Variants in TRAF3IP2 observed in about 807,000 individuals in gnomAD.
TRAF3IP2 encodes the protein TRAF3 interacting protein 2, also known as E3 ubiquitin ligase TRAF3IP2.
In TRAF3IP2, 35 loss-of-function variants were observed where a neutral mutation model predicts 57.9. The observed-to-expected ratio is 0.60, with a 90% CI of 0.46 to 0.80. TRAF3IP2 has a LOEUF of 0.80. TRAF3IP2 is among the 30% of genes least tolerant of loss of function. The pLI is 0.00. For synonymous variants in TRAF3IP2, 251 were observed against 268.9 expected (o/e 0.93, Z 0.65); for missense variants, 556 against 706.4 (o/e 0.79, Z 2.41).
rs1415581950 is a variant in TRAF3IP2 at position 111,558,024 on chromosome 6, A to T, written c.*1381T>A. 1 of 150,624 alleles carries T rather than the reference A, an allele frequency of 6.6e-6. No individual in the cohort carries two copies. Among genetic ancestry groups the T allele is most frequent in the African/African-American group, 2.4e-5 (1 of 41,094 alleles). The allele number at this position is 150,624 out of a possible 1,614,324, so 9.3% of individuals were successfully genotyped here. ...GACAGAGCGAGACTCTGTCTCAAAC[A>T]AAAAAAAAGAAGAAGAAAATGTCTC... On this transcript the variant is annotated 3_prime_UTR_variant, in exon 9 of 9. Transcript: ENST00000368761.
At chr6:111,600,132 C>G (rs1256962388) in intron 1 of TRAF3IP2, 2 of 152,154 alleles carry the variant, frequency 1.3e-5, no homozygotes, top group African/African-American at 4.8e-5. Flanking sequence ...AATGTAGAGC[C>G]TGGCACATAT....
At chr6:111,563,478 A>C (rs931289845) in intron 7 of TRAF3IP2, among the ~76,000 whole-genome samples, 1 of 152,226 alleles carries the variant, frequency 6.6e-6, no homozygotes, top group Non-Finnish European at 1.5e-5. Flanking sequence ...TACAGTCCCT[A>C]TCTTCACAAA....
intron 2 of TRAF3IP2, among the ~76,000 whole-genome samples, chr6:111,589,071 C>CTTT (rs372254400): frequency 0.012 from 1,486 of 123,100 alleles, 71 homozygotes; most frequent in African/African-American, 0.038. Flanking sequence ...GAAAAATTAT[C>CTTT]TTTTTTTTTT....
chr6:111,604,390 G>A (rs1204405256), intron 1 of TRAF3IP2, among the ~76,000 whole-genome samples: 1 of 152,242 alleles, frequency 6.6e-6, no homozygotes, highest in South Asian at 2.1e-4. Flanking sequence ...GTCCAGCTGA[G>A]GAGTGGTTTC....
chr6:111,590,659 A>G (rs561854742), intron 2 of TRAF3IP2, among the ~76,000 whole-genome samples: 1 of 152,236 alleles, frequency 6.6e-6, no homozygotes, highest in African/African-American at 2.4e-5. Context: ...CCATCGCGAC[A>G]AGTAGGGGGA....
Position 111,580,225 on chromosome 6 carries a change from A to G in TRAF3IP2, c.994T>C (p.Cys332Arg). 1.9e-6 allele frequency: 3 copies of G among 1,614,210 alleles called. No homozygotes were observed. Among genetic ancestry groups the G allele is most frequent in the Non-Finnish European group, 1.7e-6 (2 of 1,180,028 alleles). Residue 332 changes from cysteine (C) to arginine (R), a missense_variant, in exon 3 of 9, where the codon TGC (cysteine) becomes CGC (arginine). Cys to Arg is a radical substitution (Grantham distance 180, BLOSUM62 -3). Coordinates refer to ENST00000368761, the MANE Select transcript of TRAF3IP2 (RefSeq NM_147686.4). ...DHEERPAQRD[C>R]SFPGLPRHQD... Reference sequence around the variant, plus strand: ...TGCCTTGGAAGCCCCGGAAAGGAGCAGTCTCTCTGTGCGGGCCTCTCTTCG... The same window carrying G: ...TGCCTTGGAAGCCCCGGAAAGGAGCGGTCTCTCTGTGCGGGCCTCTCTTCG...
At chr6:111,569,351 T>C (rs1795753023) in intron 5 of TRAF3IP2, among the ~76,000 whole-genome samples, 1 of 152,234 alleles carries the variant, frequency 6.6e-6, no homozygotes, top group Admixed American at 6.5e-5. Flanking sequence ...TCTTCACTTG[T>C]AATATGTAGT....
intron 6 of TRAF3IP2, 48 bp downstream of exon 6, chr6:111,567,576 T>C (rs1235796374): frequency 1.9e-6 from 3 of 1,567,440 alleles, no homozygotes; most frequent in Non-Finnish European, 2.6e-6. Flanking sequence ...CATAAGCTCA[T>C]TGTCTTTCTC....
intron 1 of TRAF3IP2, among the ~76,000 whole-genome samples, chr6:111,603,082 G>GCA (rs1796921004): frequency 1.9e-5 from 2 of 107,388 alleles, no homozygotes; most frequent in East Asian, 5.6e-4. Context: ...CACACAAGGT[G>GCA]TGCACACACA....
At chr6:111,584,892 G>GTT (rs1214018584) in intron 2 of TRAF3IP2, among the ~76,000 whole-genome samples, 1 of 152,258 alleles carries the variant, frequency 6.6e-6, no homozygotes, top group South Asian at 2.1e-4. Context: ...TCATAAAGAA[G>GTT]TTTAACTCAG....
rs1197932494 is a variant in TRAF3IP2 at position 111,567,655 on chromosome 6, A to G, written c.1328T>C (p.Ile443Thr). 3 of 1,610,180 alleles carry G rather than the reference A, an allele frequency of 1.9e-6. No homozygotes were observed. The highest frequency in any genetic ancestry group is 2.7e-5 in the African/African-American group (2 of 74,830). Residue 443 changes from isoleucine to threonine, a missense_variant, in exon 6 of 9, where the codon ATC (isoleucine) becomes ACC (threonine). By Grantham distance (89) the Ile-to-Thr change is moderately conservative (BLOSUM62 -1). This residue lies in a region of TRAF3IP2 where 128 missense variants were observed against 207.7 expected (regional missense o/e 0.62). Coordinates refer to ENST00000368761, the MANE Select transcript of TRAF3IP2 (RefSeq NM_147686.4). ...IFEDRIRGID[I>T]IKWMERYLRD... ...AAGGTAGCGCTCCATCCATTTAATG[A>G]TATCAATGCCTCGGATTCTATCCTC...
At chr6:111,595,594 C>T (rs1796656379) in intron 1 of TRAF3IP2, among the ~76,000 whole-genome samples, 1 of 152,102 alleles carries the variant, frequency 6.6e-6, no homozygotes, top group Non-Finnish European at 1.5e-5. Context: ...CTTTGGGAGG[C>T]CAAGGCGGGC....
intron 8 of TRAF3IP2, among the ~76,000 whole-genome samples, chr6:111,562,736 T>C (rs1027258597): frequency 2.6e-5 from 4 of 151,720 alleles, no homozygotes; most frequent in African/African-American, 9.7e-5. Flanking sequence ...TCCCAGCTAC[T>C]TGGGAAGCTG....
intron 2 of TRAF3IP2, chr6:111,587,046 C>A (rs1227488060): frequency 4.6e-5 from 7 of 152,094 alleles, no homozygotes; most frequent in African/African-American, 1.7e-4. Context: ...TCTAGGGCTA[C>A]AATGCCCTGC....
chr6:111,574,973 G>A (rs1364021718), intron 4 of TRAF3IP2, among the ~76,000 whole-genome samples: 1 of 152,236 alleles, frequency 6.6e-6, no homozygotes, highest in Admixed American at 6.5e-5. Context: ...TGTAATCCTA[G>A]CACTTTGGGA....
At chr6:111,571,508 G>A (rs927164232) in intron 5 of TRAF3IP2, among the ~76,000 whole-genome samples, 1 of 152,116 alleles carries the variant, frequency 6.6e-6, no homozygotes, top group East Asian at 1.9e-4. Context: ...CACCACGCCT[G>A]GCTGCTATAG....
At chr6:111,603,465 A>G (rs760299649) in intron 1 of TRAF3IP2, among the ~76,000 whole-genome samples, 2 of 152,218 alleles carry the variant, frequency 1.3e-5, no homozygotes, top group Non-Finnish European at 2.9e-5. Context: ...TTTCTGCAGC[A>G]GTTGCCTGCA....
chr6:111,591,315 G>A lies in TRAF3IP2; in HGVS notation c.772C>T (p.His258Tyr), dbSNP rs1796503475. 1 of 1,516,898 alleles carries A rather than the reference G, an allele frequency of 6.6e-7. No individual in the cohort carries two copies. Among genetic ancestry groups the A allele is most frequent in the South Asian group, 1.3e-5 (1 of 74,074 alleles). The allele number at this position is 1,516,898 out of a possible 1,614,324, so 94.0% of individuals were successfully genotyped here. The change falls in exon 2 of 9, where the codon CAT (histidine) becomes TAT (tyrosine). Residue 258 changes from histidine (H) to tyrosine (Y), a missense_variant. Around this residue, in one of 2 missense-constraint regions of TRAF3IP2, gnomAD observed 428 missense variants for 498.7 expected, o/e 0.86. Coordinates refer to ENST00000368761, the MANE Select transcript of TRAF3IP2 (RefSeq NM_147686.4). The surrounding 1 kb of genome is among the most constrained non-coding windows in gnomAD (Gnocchi z 4.9). ...TGGTAATGATAGTTCCATGGAGCAT[G>A]TGGGGAAAGATTGGGAGGCAGCATC... is the stretch of plus-strand genomic sequence containing the variant. Reference protein sequence around the residue: ...AQMLPPNLSPHAPWNYHYHCP... With the variant: ...AQMLPPNLSPYAPWNYHYHCP...
chr6:111,560,942 G>A (rs1205611172), intron 8 of TRAF3IP2, among the ~76,000 whole-genome samples: 1 of 152,208 alleles, frequency 6.6e-6, no homozygotes, highest in East Asian at 1.9e-4. Context: ...CAGCACTGGG[G>A]AGGCTGAGGA....
Sources: allele counts gnomAD v4.1 joint callset (sites outside exome capture counted in the v4.1 genomes callset), GRCh38; gene constraint gnomAD v4.1.1; regional missense constraint gnomAD v4.1.1; non-coding constraint Gnocchi (gnomAD v3.1); transcripts MANE v1.5; gene names NCBI Gene and HGNC (gene_info 2026-07-23, HGNC 2026-07-21).